KDM2B: variants seen among roughly 807,000 people sequenced by gnomAD.
KDM2B encodes the protein lysine-specific demethylase 2B.
In KDM2B, 26 loss-of-function variants were observed where a neutral mutation model predicts 150.0. That is an observed-to-expected ratio of 0.17 (90% CI 0.13 to 0.24). The LOEUF is 0.24. Ranked by LOEUF, KDM2B falls within the 10% of genes least tolerant of loss-of-function variation. The pLI is 1.00. For synonymous variants in KDM2B, 734 were observed against 729.5 expected, an observed-to-expected ratio of 1.01 and a Z score of -0.10; for missense variants, 1,265 against 1,816.9, an observed-to-expected ratio of 0.70 and a Z score of 5.52.
intron 22 of KDM2B, among the ~76,000 whole-genome samples, chr12:121,435,788 C>A (rs1566251603): frequency 6.6e-6 from 1 of 152,142 alleles, no homozygotes; most frequent in Non-Finnish European, 1.5e-5. Context: ...CAATCCTGAC[C>A]AGCTTAAGAG....
Position 121,430,763 on chromosome 12 carries a change from A to G in KDM2B, c.3830-294T>C, listed in dbSNP as rs1566244925. 1.8e-6 allele frequency: 1 copy of G among 555,586 alleles called. No individual in the cohort carries two copies. Among genetic ancestry groups the G allele is most frequent in the East Asian group, 2.8e-5 (1 of 35,706 alleles). 34.4% of individuals were successfully genotyped at this position (555,586 alleles called of 1,614,324 possible). ...CTCTATACGTGCGTATGCTCATGTA[A>G]GTAGTTCTATGTGCTTTTACAATGA... On this transcript the variant is annotated intron_variant, in intron 22 of 22. Transcript: ENST00000377071. This position sits in a 1 kb window ranked among gnomAD's most constrained non-coding sequence, Gnocchi z 4.4.
chr12:121,437,885 G>A (rs1459956121), intron 22 of KDM2B, among the ~76,000 whole-genome samples: 1 of 133,422 alleles, frequency 7.5e-6, no homozygotes, highest in Non-Finnish European at 1.7e-5. Context: ...GATGAGAGGG[G>A]AATTTTTTTT....
chr12:121,537,999 C>A lies in KDM2B; in HGVS notation c.684-3409G>T, dbSNP rs1391292049. On this transcript the variant is annotated intron_variant, in intron 6 of 22. Coordinates refer to ENST00000377071, the MANE Select transcript of KDM2B (RefSeq NM_032590.5). The surrounding 1 kb of genome is among the most constrained non-coding windows in gnomAD (Gnocchi z 8.7). ...TGCGGAGGCTCGACGCGCGCCCGGC[C>A]CCACTCCCGGCGGCAACGCGAGCCG... Among the ~76,000 whole-genome samples, 2 of 150,462 alleles carry A rather than the reference C, an allele frequency of 1.3e-5. No homozygotes were observed. The highest frequency in any genetic ancestry group is 3.9e-4 in the East Asian group (2 of 5,140).
chr12:121,436,377 T>G (rs9634168), intron 22 of KDM2B, among the ~76,000 whole-genome samples: 1 of 151,644 alleles, frequency 6.6e-6, no homozygotes, highest in Non-Finnish European at 1.5e-5. Flanking sequence ...AAAAATTAGC[T>G]GGGCGTGGTG....
At chr12:121,563,018 T>C (rs1555314079) in intron 4 of KDM2B, among the ~76,000 whole-genome samples, 1 of 152,108 alleles carries the variant, frequency 6.6e-6, no homozygotes, top group Non-Finnish European at 1.5e-5. Context: ...AGAAATCCGA[T>C]AAAGACATAA....
Position 121,537,840 on chromosome 12 carries a change from G to A in KDM2B, c.684-3250C>T, listed in dbSNP as rs1888272248. Among the ~76,000 whole-genome samples the A allele has an allele frequency of 6.6e-6, 1 of 151,504 alleles. No homozygotes were observed. The highest frequency in any genetic ancestry group is 1.5e-5 in the Non-Finnish European group (1 of 67,754). On this transcript the variant is annotated intron_variant, in intron 6 of 22. Coordinates refer to ENST00000377071, the MANE Select transcript of KDM2B (RefSeq NM_032590.5). The surrounding 1 kb of genome is among the most constrained non-coding windows in gnomAD (Gnocchi z 8.7). Reference sequence around the variant, plus strand: ...ACGCCGGCCCTGTAGCCCGCGGGCGGGAGGCCACCCACACCCGCCCCGCGC... The same window carrying A: ...ACGCCGGCCCTGTAGCCCGCGGGCGAGAGGCCACCCACACCCGCCCCGCGC...
rs1289233803 is a variant in KDM2B, at chr12:121,467,901, A to T, written c.1735-14557T>A. 6.6e-6 allele frequency: 1 copy of T among 152,328 alleles called. No individual in the cohort carries two copies. Among genetic ancestry groups the T allele is most frequent in the African/African-American group, 2.4e-5 (1 of 41,426 alleles). 9.4% of individuals were successfully genotyped at this position (152,328 alleles called of 1,614,324 possible). Reference sequence around the variant, plus strand: ...CGGGAACCCCCGACCCAGAGCCTGCAGGACCGCTGGCCTGGATAAGCTCTG... The same window carrying T: ...CGGGAACCCCCGACCCAGAGCCTGCTGGACCGCTGGCCTGGATAAGCTCTG... On this transcript the variant is annotated intron_variant, in intron 12 of 22. Coordinates refer to ENST00000377071, the MANE Select transcript of KDM2B (RefSeq NM_032590.5). The surrounding 1 kb of genome is among the most constrained non-coding windows in gnomAD (Gnocchi z 5.1).
chr12:121,566,760 C>T (rs578098423), intron 4 of KDM2B, among the ~76,000 whole-genome samples: 15 of 152,246 alleles, frequency 9.9e-5, no homozygotes, highest in Admixed American at 5.9e-4. Context: ...CATGCCACTG[C>T]ACTCCAACCT....
At chr12:121,580,740 G>A (rs1555317869) in intron 1 of KDM2B, 46 bp downstream of exon 1, 2 of 1,606,632 alleles carry the variant, frequency 1.2e-6, no homozygotes, top group Admixed American at 1.7e-5. Flanking sequence ...ATTGCCCAGG[G>A]CTACCCCTCT....
At chr12:121,482,569 G>T (rs1882278281) in intron 12 of KDM2B, among the ~76,000 whole-genome samples, 1 of 152,072 alleles carries the variant, frequency 6.6e-6, no homozygotes, top group Non-Finnish European at 1.5e-5. Flanking sequence ...CAAAGTGCTG[G>T]GATTACAGGC....
intron 9 of KDM2B, chr12:121,516,410 TTA>T: frequency 9.9e-7 from 1 of 1,015,120 alleles, no homozygotes; most frequent in South Asian, 1.4e-5. Context: ...ATTTATTTAT[TTA>T]TTTTTTTTTC....
rs1886555405 is a variant in KDM2B at position 121,520,097 on chromosome 12, G to C, written c.1047+888C>G. Among the ~76,000 whole-genome samples the C allele has an allele frequency of 6.6e-6, 1 of 152,056 alleles. No homozygotes were observed. The highest frequency in any genetic ancestry group is 2.4e-5 in the African/African-American group (1 of 41,402). Reference sequence around the variant, plus strand: ...GTAAAGACAGGGTTTCATCATGTTGGCCTGGCTGGTCTCGAACTCCTGACC... The same window carrying C: ...GTAAAGACAGGGTTTCATCATGTTGCCCTGGCTGGTCTCGAACTCCTGACC... On this transcript the variant is annotated intron_variant, in intron 9 of 22. Coordinates refer to ENST00000377071, the MANE Select transcript of KDM2B (RefSeq NM_032590.5). The surrounding 1 kb of genome is among the most constrained non-coding windows in gnomAD (Gnocchi z 4.5).
chr12:121,415,782 A>G, the KDM2B span, among the ~76,000 whole-genome samples: 3 of 151,602 alleles, frequency 2.0e-5, no homozygotes, highest in African/African-American at 7.3e-5. Context: ...GATGAAAAAC[A>G]AAGAATTTTT....
At chr12:121,458,516 TG>T (rs1281139977) in intron 12 of KDM2B, among the ~76,000 whole-genome samples, 17 of 18,840 alleles carry the variant, frequency 9.0e-4, no homozygotes, top group African/African-American at 2.5e-3. Context: ...AATAGGGGGA[TG>T]GGGGGTGGGG....
chr12:121,561,969 C>G (rs1488834164), intron 4 of KDM2B, among the ~76,000 whole-genome samples: 1 of 151,768 alleles, frequency 6.6e-6, no homozygotes, highest in East Asian at 1.9e-4. Context: ...GTCAGGAGTT[C>G]GAGACCAGCC....
In KDM2B at chr12:121,549,007, A is replaced by G; in HGVS notation, c.577-24T>C. ...ACCTGAAAGCCAGACCAGTGTGAGC[A>G]CTGCATTTCTCCACTGCCGAGCCAG... On this transcript the variant is annotated intron_variant, in intron 5 of 22. Coordinates refer to ENST00000377071, the MANE Select transcript of KDM2B (RefSeq NM_032590.5). This position sits in a 1 kb window ranked among gnomAD's most constrained non-coding sequence, Gnocchi z 4.4. 6.3e-7 allele frequency: 1 copy of G among 1,581,290 alleles called. No homozygotes were observed. The highest frequency in any genetic ancestry group is 8.7e-7 in the Non-Finnish European group (1 of 1,150,150).
chr12:121,492,072 C>A (rs1177326852), intron 12 of KDM2B, among the ~76,000 whole-genome samples: 2 of 151,902 alleles, frequency 1.3e-5, no homozygotes, highest in Non-Finnish European at 2.9e-5. Context: ...ATGGGAGGAT[C>A]GCTTGATCCA....
intron 6 of KDM2B, among the ~76,000 whole-genome samples, chr12:121,538,696 A>G (rs1308246426): frequency 6.6e-6 from 1 of 152,124 alleles, no homozygotes; most frequent in African/African-American, 2.4e-5. Context: ...CATTCCCAGG[A>G]TTCTTCCTGT....
intron 12 of KDM2B, among the ~76,000 whole-genome samples, chr12:121,472,140 C>T (rs980849467): frequency 6.6e-6 from 1 of 152,142 alleles, no homozygotes; most frequent in African/African-American, 2.4e-5. Flanking sequence ...AGTAACAGAG[C>T]AGGAGGCCTG....
Sources: allele counts gnomAD v4.1 joint callset (sites outside exome capture counted in the v4.1 genomes callset), GRCh38; gene constraint gnomAD v4.1.1; non-coding constraint Gnocchi (gnomAD v3.1); transcripts MANE v1.5; gene names NCBI Gene and HGNC (gene_info 2026-07-23, HGNC 2026-07-21).